Variants in SLC25A28 observed in about 807,000 individuals in gnomAD.
The protein encoded by SLC25A28 is solute carrier family 25 member 28.
A neutral mutation model predicts 31.9 loss-of-function variants in SLC25A28; 10 were observed. The ratio of observed to expected loss-of-function variants is 0.31; its 90% CI spans 0.19 to 0.53. The LOEUF is 0.53. Among genes scored for constraint, SLC25A28 ranks in the 20% least tolerant of loss-of-function variants. SLC25A28 has a pLI of 0.95. For synonymous variants in SLC25A28, 208 were observed against 203.6 expected, an observed-to-expected ratio of 1.02 and a Z score of -0.19; for missense variants, 256 against 490.3, an observed-to-expected ratio of 0.52 and a Z score of 4.51.
In SLC25A28 at chr10:99,610,874, T is replaced by C. The variant is rs1266060168; in HGVS notation, c.1070A>G (p.Gln357Arg). 1 of 1,613,986 alleles carries C rather than the reference T, an allele frequency of 6.2e-7. No homozygotes were observed. The highest frequency in any genetic ancestry group is 1.3e-5 in the African/African-American group (1 of 74,930). Residue 357 changes from glutamine to arginine, a missense_variant, in exon 4 of 4, where the codon CAA becomes CGA. Physicochemically the swap from Gln to Arg is conservative, Grantham distance 43. This residue lies in a region of SLC25A28 where 158 missense variants were observed against 379.1 expected (regional missense o/e 0.42). Transcript: ENST00000370495. ...TCACTTGCCAGCCCTCCACTCTTCT[T>C]GCCTTTTAGTGATTAGGTATTTGAA... Reference protein sequence around the residue: ...EFFKYLITKRQEEWRAGK With the variant: ...EFFKYLITKRREEWRAGK
chr10:99,621,346 A>G (rs1159130188), upstream of SLC25A28: 1 of 152,494 alleles, frequency 6.6e-6, no homozygotes, highest in African/African-American at 2.4e-5. Context: ...CAAGAGCCGA[A>G]GGCGGGGGAG....
chr10:99,648,686 G>GT, the SLC25A28 span, among the ~76,000 whole-genome samples: 40,597 of 119,718 alleles, frequency 0.34, 7,298 homozygotes, highest in East Asian at 0.52. Context: ...ATATTCCTAG[G>GT]TTTTTTTTTT....
At chr10:99,658,725 G>A in the SLC25A28 span, among the ~76,000 whole-genome samples, 1 of 152,118 alleles carries the variant, frequency 6.6e-6, no homozygotes, top group South Asian at 2.1e-4. Flanking sequence ...GGATCGTGGG[G>A]CGCAATGGAT....
chr10:99,618,790 C>A (rs1287120137), intron 1 of SLC25A28: 32 of 985,310 alleles, frequency 3.2e-5, no homozygotes, highest in Non-Finnish European at 3.9e-5. Flanking sequence ...TTTCCTTATC[C>A]ACATTCTAAT....
In SLC25A28 at chr10:99,620,373, C is replaced by T. The variant is rs1590000619; in HGVS notation, c.-38G>A. ...GCTGCGGCGCCCACCCCCGCCGCCG[C>T]TGCCACCACTGCCGCCGCCGCCCCC... On this transcript the variant is annotated 5_prime_UTR_variant, in exon 1 of 4. Coordinates refer to ENST00000370495, the MANE Select transcript of SLC25A28 (RefSeq NM_031212.4). 1.8e-6 allele frequency: 2 copies of T among 1,091,028 alleles called. No homozygotes were observed. The highest frequency in any genetic ancestry group is 2.2e-6 in the Non-Finnish European group (2 of 899,064). 67.6% of individuals were successfully genotyped at this position (1,091,028 alleles called of 1,614,324 possible).
At chr10:99,638,983 C>G in the SLC25A28 span, among the ~76,000 whole-genome samples, 1 of 152,046 alleles carries the variant, frequency 6.6e-6, no homozygotes, top group African/African-American at 2.4e-5. Context: ...AAGATACTTG[C>G]ACACACATGT....
At chr10:99,620,744 A>ATAC (rs1318839123), upstream of SLC25A28, 23 of 985,366 alleles carry the variant, frequency 2.3e-5, 1 homozygote, top group Middle Eastern at 1.5e-3. Flanking sequence ...ACCACTCTTG[A>ATAC]TACTTTGACC....
chr10:99,654,715 T>G, the SLC25A28 span, among the ~76,000 whole-genome samples: 2 of 152,184 alleles, frequency 1.3e-5, no homozygotes, highest in Admixed American at 1.3e-4. Context: ...GGGGGCCTTC[T>G]CTTCTTTTTC....
intron 1 of SLC25A28, chr10:99,618,265 CTGTTA>C (rs1480453312): frequency 6.1e-6 from 6 of 981,874 alleles, no homozygotes; most frequent in Non-Finnish European, 7.3e-6. Flanking sequence ...ACCTCCCGTT[CTGTTA>C]TAATGGAACA....
At chr10:99,622,115 C>G (rs1402807473), upstream of SLC25A28, among the ~76,000 whole-genome samples, 1 of 152,064 alleles carries the variant, frequency 6.6e-6, no homozygotes, top group Non-Finnish European at 1.5e-5. Flanking sequence ...CTCAGGAGTT[C>G]GAGACCAGCC....
chr10:99,640,413 T>C, the SLC25A28 span, among the ~76,000 whole-genome samples: 1 of 152,190 alleles, frequency 6.6e-6, no homozygotes, highest in Admixed American at 6.5e-5. Context: ...CTTCATGACA[T>C]GGTAGCACAT....
At chr10:99,616,667 A>C in intron 1 of SLC25A28, 1 of 985,448 alleles carries the variant, frequency 1.0e-6, no homozygotes, top group African/African-American at 1.7e-5. Flanking sequence ...TTCAGGGACA[A>C]GCTTTACTGT....
chr10:99,639,721 G>GAA, the SLC25A28 span, among the ~76,000 whole-genome samples: 1 of 29,562 alleles, frequency 3.4e-5, no homozygotes, highest in African/African-American at 1.5e-4. Context: ...AGCACCATGG[G>GAA]TACACACACA....
the SLC25A28 span, among the ~76,000 whole-genome samples, chr10:99,632,417 A>C: frequency 1.3e-5 from 2 of 152,252 alleles, no homozygotes; most frequent in South Asian, 2.1e-4. Flanking sequence ...CCAGTCCCCC[A>C]TGGATACTGA....
chr10:99,613,963 C>T lies in SLC25A28; in HGVS notation c.292-39G>A, dbSNP rs747721511. The T allele has an allele frequency of 6.5e-7, 1 of 1,534,942 alleles. No individual in the cohort carries two copies. Among genetic ancestry groups the T allele is most frequent in the Non-Finnish European group, 8.8e-7 (1 of 1,139,130 alleles). ...AAGGAGAAGCGCAATGTCAGCAATG[C>T]CAACTTCTCGCCCCACCTCAACACA... On this transcript the variant is annotated intron_variant, in intron 1 of 3. Coordinates refer to ENST00000370495, the MANE Select transcript of SLC25A28 (RefSeq NM_031212.4). The surrounding 1 kb of genome is among the most constrained non-coding windows in gnomAD (Gnocchi z 4.9).
chr10:99,643,172 T>C, the SLC25A28 span, among the ~76,000 whole-genome samples: 152 of 152,286 alleles, frequency 1.0e-3, no homozygotes, highest in African/African-American at 3.4e-3. Flanking sequence ...TCTGCTAGAA[T>C]TCAGCTGTGA....
At chr10:99,631,238 A>G in the SLC25A28 span, among the ~76,000 whole-genome samples, 3 of 152,120 alleles carry the variant, frequency 2.0e-5, no homozygotes, top group African/African-American at 4.8e-5. Context: ...AACATGGTCA[A>G]TTTTGCATTT....
chr10:99,642,474 C>T, the SLC25A28 span, among the ~76,000 whole-genome samples: 4 of 152,112 alleles, frequency 2.6e-5, no homozygotes, highest in Admixed American at 2.0e-4. Flanking sequence ...TGGGATGAGA[C>T]GATGGGGTTT....
chr10:99,634,177 C>G, the SLC25A28 span, among the ~76,000 whole-genome samples: 7 of 152,336 alleles, frequency 4.6e-5, no homozygotes, highest in East Asian at 1.3e-3. Flanking sequence ...TTCCCTCTGG[C>G]AGAGCCTACC....
Sources: allele counts gnomAD v4.1 joint callset (sites outside exome capture counted in the v4.1 genomes callset), GRCh38; gene constraint gnomAD v4.1.1; regional missense constraint gnomAD v4.1.1; non-coding constraint Gnocchi (gnomAD v3.1); transcripts MANE v1.5; gene names NCBI Gene and HGNC (gene_info 2026-07-23, HGNC 2026-07-21).